Variants in ZNF426 observed in about 807,000 individuals in gnomAD.
ZNF426 encodes zinc finger protein 426, also known as CTC-543D15.7.
ZNF426 carries 23 observed loss-of-function variants against 24.0 expected under a neutral mutation model. The observed-to-expected ratio is 0.96, with a 90% CI of 0.69 to 1.36. ZNF426 has a LOEUF of 1.36. Ranked by LOEUF, ZNF426 falls within the 40% of genes most tolerant of loss-of-function variation. The pLI, the probability that ZNF426 is intolerant of heterozygous loss-of-function variation, is 0.00. For synonymous variants in ZNF426, 272 were observed against 224.6 expected, an observed-to-expected ratio of 1.21 and a Z score of -1.89; for missense variants, 646 against 658.4, an observed-to-expected ratio of 0.98 and a Z score of 0.21.
chr19:9,532,890 A>G lies in ZNF426; in HGVS notation c.280T>C (p.Leu94=). The G allele has an allele frequency of 1.9e-6, 3 of 1,614,078 alleles. No individual in the cohort carries two copies. Among genetic ancestry groups the G allele is most frequent in the Admixed American group, 1.7e-5 (1 of 60,006 alleles). ...QIIKPSLISW[L]EQEESRTVQG... ...ACTGTCCTTGACTCTTCTTGTTCCA[A>G]CCAAGAGATTAGACTGGGTTTGATG... Residue 94 remains leucine (L), a synonymous_variant, in exon 6 of 8, where the codon TTG becomes CTG. Transcript: ENST00000253115.
intron 2 of ZNF426, among the ~76,000 whole-genome samples, chr19:9,537,317 A>G (rs2073981458): frequency 6.6e-6 from 1 of 152,042 alleles, no homozygotes; most frequent in Non-Finnish European, 1.5e-5. Context: ...CTAAAACCCT[A>G]AAGTCACAAA....
chr19:9,523,251 C>T lies in ZNF426; in HGVS notation c.*5129G>A, dbSNP rs1334539846. 3 of 152,118 alleles carry T rather than the reference C, an allele frequency of 2.0e-5. No individual in the cohort carries two copies. The highest frequency in any genetic ancestry group is 7.2e-5 in the African/African-American group (3 of 41,430). 9.4% of individuals were successfully genotyped at this position (152,118 alleles called of 1,614,324 possible). On this transcript the variant is annotated 3_prime_UTR_variant, in exon 8 of 8. Transcript: ENST00000253115. ...CTTAAACAACAGAAATTTATTTGCT[C>T]ATAATTTTTGAGGCTGGAAGTCCAG...
chr19:9,531,529 T>G (rs188342138), intron 6 of ZNF426, among the ~76,000 whole-genome samples: 2 of 152,316 alleles, frequency 1.3e-5, no homozygotes, highest in African/African-American at 4.8e-5. Flanking sequence ...TTGGTTTTGA[T>G]GTAAATGATC....
At chr19:9,534,072 G>A in intron 4 of ZNF426, 106 bp from the exon 5 acceptor site, 3 of 1,475,770 alleles carry the variant, frequency 2.0e-6, no homozygotes, top group Non-Finnish European at 2.7e-6. Flanking sequence ...TCCAAGGGCT[G>A]CAGTGACCAG....
chr19:9,535,216 A>G lies in ZNF426; in HGVS notation c.89T>C (p.Val30Ala). 3 of 1,613,552 alleles carry G rather than the reference A, an allele frequency of 1.9e-6. No homozygotes were observed. Among genetic ancestry groups the G allele is most frequent in the Non-Finnish European group, 2.5e-6 (3 of 1,179,620 alleles). The change falls in exon 4 of 8, where the codon GTG becomes GCG. Residue 30 changes from valine (V) to alanine (A), a missense_variant. Transcript: ENST00000253115. ...HEEKTPAGRI[V>A]ADCLTDCYQD... ...ATAACAATCTGTTAGGCAGTCAGCC[A>G]CTATTCTTCCTGCTGGTGTCTTTTC...
At chr19:9,532,278 CTTTTTTTTTTTTT>C (rs1020434068) in intron 6 of ZNF426, among the ~76,000 whole-genome samples, 5 of 117,456 alleles carry the variant, frequency 4.3e-5, no homozygotes, top group African/African-American at 1.7e-4. Flanking sequence ...TTCTTTTTTT[CTTTTTTTTTTTTT>C]TTTTTTTGTG....
chr19:9,534,048 T>C, intron 4 of ZNF426, 82 bp from the exon 5 acceptor site: 9 of 1,557,490 alleles, frequency 5.8e-6, no homozygotes, highest in Non-Finnish European at 7.8e-6. Context: ...GGGGACCCAA[T>C]GCCTATGCAG....
intron 7 of ZNF426, 62 bp from the exon 8 acceptor site, chr19:9,529,698 TC>T: frequency 6.9e-7 from 1 of 1,458,460 alleles, no homozygotes; most frequent in Non-Finnish European, 9.2e-7. Context: ...AACATACCCA[TC>T]TGAAGCTAGA....
chr19:9,538,451 G>A (rs2074001392), intron 1 of ZNF426, 106 bp from the exon 2 acceptor site: 1 of 152,324 alleles, frequency 6.6e-6, no homozygotes, highest in Non-Finnish European at 1.5e-5. Flanking sequence ...CTCCTCCCGA[G>A]GAGCGACGGT....
chr19:9,529,242 G>C lies in ZNF426; in HGVS notation c.803C>G (p.Ser268Cys). The change falls in exon 8 of 8, where the codon TCT (serine) becomes TGT (cysteine). Residue 268 changes from serine (S) to cysteine (C), a missense_variant. Ser to Cys is a moderately radical substitution (Grantham distance 112, BLOSUM62 -1). Transcript: ENST00000253115. ...TGCATTGAGGGTTTCTATAAGCACA[G>C]AAAGGCTTGTAGAGTCAATAAAACC... ...GPGFIDSTSL[S>C]VLIETLNAKK... 3 of 1,613,862 alleles carry C rather than the reference G, an allele frequency of 1.9e-6. No individual in the cohort carries two copies. Among genetic ancestry groups the C allele is most frequent in the Non-Finnish European group, 2.5e-6 (3 of 1,179,946 alleles).
Position 9,536,375 on chromosome 19 carries a change from A to G in ZNF426, c.-124-19T>C. On this transcript the variant is annotated intron_variant, in intron 2 of 7. Transcript: ENST00000253115. Reference sequence around the variant, plus strand: ...GGGATTCCTGTTGGTATTAATCAATAATCAACAAGCAGTACTTAATCATCA... The same window carrying G: ...GGGATTCCTGTTGGTATTAATCAATGATCAACAAGCAGTACTTAATCATCA... The G allele has an allele frequency of 6.4e-7, 1 of 1,562,794 alleles. No homozygotes were observed. Among genetic ancestry groups the G allele is most frequent in the Non-Finnish European group, 8.7e-7 (1 of 1,153,424 alleles).
rs963631784 is a variant in ZNF426, at chr19:9,525,202, T to C, written c.*3178A>G. The C allele has an allele frequency of 6.6e-6, 1 of 150,708 alleles. No individual in the cohort carries two copies. The highest frequency in any genetic ancestry group is 1.5e-5 in the Non-Finnish European group (1 of 67,844). The allele number at this position is 150,708 out of a possible 1,614,324, so 9.3% of individuals were successfully genotyped here. On this transcript the variant is annotated 3_prime_UTR_variant, in exon 8 of 8. Coordinates refer to ENST00000253115, the MANE Select transcript of ZNF426 (RefSeq NM_024106.3). ...AGGCGGAGCTTGCAGTGAGCCGAGA[T>C]CGCACCACTGCACTCCAGCCTGGGC...
rs45533840 is a variant in ZNF426, at chr19:9,529,246, G to A, written c.799C>T (p.Leu267Phe). 7.4e-6 allele frequency: 12 copies of A among 1,613,650 alleles called. No homozygotes were observed. Among genetic ancestry groups the A allele is most frequent in the Non-Finnish European group, 9.3e-6 (11 of 1,179,908 alleles). The change falls in exon 8 of 8, where the codon CTT becomes TTT. Residue 267 changes from leucine (L) to phenylalanine (F), a missense_variant. Leu to Phe is a conservative substitution (Grantham distance 22). Transcript: ENST00000253115. ...YGPGFIDSTS[L>F]SVLIETLNAK... ...TTGAGGGTTTCTATAAGCACAGAAA[G>A]GCTTGTAGAGTCAATAAAACCTGGC...
rs1245841510 is a variant in ZNF426 at position 9,538,409 on chromosome 19, A to T, written c.-211-64T>A. 2.6e-5 allele frequency: 4 copies of T among 152,238 alleles called. No homozygotes were observed. The East Asian group carries it at 7.8e-4, about 30-fold the overall frequency. 9.4% of individuals were successfully genotyped at this position (152,238 alleles called of 1,614,324 possible). A position where few individuals can be genotyped will look rare whatever the true frequency, so the allele number is the denominator to read the frequency against. On this transcript the variant is annotated intron_variant, in intron 1 of 7. Transcript: ENST00000253115. ...TTTGGAGAGGGGCGCACAGATGAAA[A>T]CACCCTGCGGACACCGTAACTATAA...
Position 9,524,016 on chromosome 19 carries a change from C to T in ZNF426, c.*4364G>A, listed in dbSNP as rs1453881376. The T allele has an allele frequency of 6.6e-6, 1 of 152,354 alleles. No individual in the cohort carries two copies. The highest frequency in any genetic ancestry group is 1.5e-5 in the Non-Finnish European group (1 of 68,052). 9.4% of individuals were successfully genotyped at this position (152,354 alleles called of 1,614,324 possible). A position where few individuals can be genotyped will look rare whatever the true frequency, so the allele number is the denominator to read the frequency against. The stretch of plus-strand genomic sequence containing the variant: ...GAACATAAAAGGGTTTTCCCACAAT[C>T]CTTGAATTCATAGTTTCTCTCCAGT... On this transcript the variant is annotated 3_prime_UTR_variant, in exon 8 of 8. Transcript: ENST00000253115.
chr19:9,537,720 A>G (rs1407784096), intron 2 of ZNF426, among the ~76,000 whole-genome samples: 3 of 151,704 alleles, frequency 2.0e-5, no homozygotes, highest in Non-Finnish European at 4.4e-5. Flanking sequence ...GCACGATCTC[A>G]GCTCACTGCA....
rs1013066596 is a variant in ZNF426 at position 9,524,264 on chromosome 19, AT to A, written c.*4115del. ...AAATGAAGCCTTTCCCATATTTTCC[AT>A]TTACATAGGGTTTCCTGCCACTGTG... is the stretch of plus-strand genomic sequence containing the variant. On this transcript the variant is annotated 3_prime_UTR_variant, in exon 8 of 8. Transcript: ENST00000253115. 3.9e-5 allele frequency: 6 copies of A among 152,138 alleles called. No individual in the cohort carries two copies. The highest frequency in any genetic ancestry group is 1.4e-4 in the African/African-American group (6 of 41,434). The allele number at this position is 152,138 out of a possible 1,614,324, so 9.4% of individuals were successfully genotyped here. A position where few individuals can be genotyped will look rare whatever the true frequency, so the allele number is the denominator to read the frequency against.
At chr19:9,535,165 A>G (rs1000621858) in intron 4 of ZNF426, 23 bp downstream of exon 4, 11 of 1,593,196 alleles carry the variant, frequency 6.9e-6, no homozygotes, top group African/African-American at 6.7e-5. Context: ...GTCACTATGT[A>G]TAAGAATACA....
At position 9,523,525 on chromosome 19, in the gene ZNF426, T is replaced by C. The variant is rs1393922048; in HGVS notation, c.*4855A>G. 2 of 152,220 alleles carry C rather than the reference T, an allele frequency of 1.3e-5. No homozygotes were observed. The highest frequency in any genetic ancestry group is 6.5e-5 in the Admixed American group (1 of 15,282). The allele number at this position is 152,220 out of a possible 1,614,324, so 9.4% of individuals were successfully genotyped here. Reference sequence around the variant, plus strand: ...CACATCTCTAAATACCACCATTATCTTGAGGTCCCAGGGATGAAAGCCTTA... The same window carrying C: ...CACATCTCTAAATACCACCATTATCCTGAGGTCCCAGGGATGAAAGCCTTA... On this transcript the variant is annotated 3_prime_UTR_variant, in exon 8 of 8. Coordinates refer to ENST00000253115, the MANE Select transcript of ZNF426 (RefSeq NM_024106.3).
Sources: allele counts gnomAD v4.1 joint callset (sites outside exome capture counted in the v4.1 genomes callset), GRCh38; gene constraint gnomAD v4.1.1; transcripts MANE v1.5; gene names NCBI Gene and HGNC (gene_info 2026-07-23, HGNC 2026-07-21).